AGMO: variants seen among roughly 807,000 people sequenced by gnomAD.
AGMO encodes alkylglycerol monooxygenase.
A neutral mutation model predicts 60.2 loss-of-function variants in AGMO; 75 were observed. The observed-to-expected ratio is 1.25, with a 90% CI of 1.03 to 1.51. The LOEUF (loss-of-function observed/expected upper bound fraction) is 1.51. AGMO is among the 40% of genes most tolerant of loss of function. The pLI is 0.00. For synonymous variants in AGMO, 261 were observed against 177.1 expected (o/e 1.47, Z -3.76); for missense variants, 763 against 525.5 (o/e 1.45, Z -4.42).
At chr7:15,538,361 C>A (rs184241101) in intron 3 of AGMO, among the ~76,000 whole-genome samples, 3 of 152,154 alleles carry the variant, frequency 2.0e-5, no homozygotes, top group Admixed American at 2.0e-4. Flanking sequence ...GCCTTCTGAG[C>A]AGCTAGAATT....
chr7:15,242,884 A>T (rs1007120737), intron 12 of AGMO, among the ~76,000 whole-genome samples: 1 of 152,158 alleles, frequency 6.6e-6, no homozygotes, highest in Non-Finnish European at 1.5e-5. Flanking sequence ...AATGACATTA[A>T]GTGTATATAA....
intron 4 of AGMO, among the ~76,000 whole-genome samples, chr7:15,421,879 T>A (rs1293467957): frequency 6.6e-6 from 1 of 151,994 alleles, no homozygotes; most frequent in African/African-American, 2.4e-5. Flanking sequence ...GGGAAGATAG[T>A]CAAAGATGCA....
intron 12 of AGMO, among the ~76,000 whole-genome samples, chr7:15,322,690 ATATGAATATG>A (rs1174885217): frequency 4.0e-4 from 28 of 69,602 alleles, no homozygotes; most frequent in South Asian, 1.2e-3. Flanking sequence ...ATATATAAAT[ATATGAATATG>A]TATAAATATA....
Position 15,390,771 on chromosome 7 carries a change from T to C in AGMO, c.743-21A>G, listed in dbSNP as rs370555812. On this transcript the variant is annotated intron_variant, in intron 7 of 12. Coordinates refer to ENST00000342526, the MANE Select transcript of AGMO (RefSeq NM_001004320.2). ...TGTCCCTGGAAGATAAATATAAAGA[T>C]ATGAGATTTGGCTTCCTGTAAAGTA... 8 of 1,599,140 alleles carry C rather than the reference T, an allele frequency of 5.0e-6. No individual in the cohort carries two copies. The Admixed American group carries it at 5.0e-5, about 10-fold the overall frequency.
chr7:15,205,586 T>C (rs1781418489), intron 12 of AGMO, among the ~76,000 whole-genome samples: 1 of 152,162 alleles, frequency 6.6e-6, no homozygotes, highest in Non-Finnish European at 1.5e-5. Flanking sequence ...TTTTGCTGAA[T>C]GATAAAGTCA....
At chr7:15,425,903 A>G (rs539418454) in intron 4 of AGMO, among the ~76,000 whole-genome samples, 1 of 152,294 alleles carries the variant, frequency 6.6e-6, no homozygotes, top group East Asian at 1.9e-4. Flanking sequence ...TAAAAAATTC[A>G]CTCACTCTAG....
At chr7:15,540,417 C>A (rs1278179892) in intron 3 of AGMO, among the ~76,000 whole-genome samples, 2 of 152,170 alleles carry the variant, frequency 1.3e-5, no homozygotes, top group Admixed American at 1.3e-4. Flanking sequence ...ACATCCCTCA[C>A]ATACCAAACC....
At chr7:15,501,389 G>A (rs1783382344) in intron 3 of AGMO, among the ~76,000 whole-genome samples, 1 of 151,826 alleles carries the variant, frequency 6.6e-6, no homozygotes, top group Non-Finnish European at 1.5e-5. Context: ...AATAAGAATG[G>A]CAGAATGTTG....
chr7:15,534,762 A>G (rs1416867847), intron 3 of AGMO, among the ~76,000 whole-genome samples: 1 of 151,878 alleles, frequency 6.6e-6, no homozygotes, highest in Non-Finnish European at 1.5e-5. Context: ...ATGAAGTATT[A>G]TTATCCCCAG....
At chr7:15,261,630 A>T (rs1354079300) in intron 12 of AGMO, among the ~76,000 whole-genome samples, 2 of 152,104 alleles carry the variant, frequency 1.3e-5, no homozygotes, top group African/African-American at 4.8e-5. Flanking sequence ...AGAAAGAGGG[A>T]ATCCTCCTTA....
rs573911165 is a variant in AGMO, at chr7:15,456,821, C to T, written c.410-25713G>A. On this transcript the variant is annotated intron_variant, in intron 3 of 12. Coordinates refer to ENST00000342526, the MANE Select transcript of AGMO (RefSeq NM_001004320.2). Reference sequence around the variant, plus strand: ...TTGGGTTTCAGCTTTCTTGATTTAGCTAACAAGTTTAATTCTTGTCTGTCA... The same window carrying T: ...TTGGGTTTCAGCTTTCTTGATTTAGTTAACAAGTTTAATTCTTGTCTGTCA... Among the ~76,000 whole-genome samples the T allele has an allele frequency of 8.3e-4, 126 of 152,246 alleles. No homozygotes were observed. The Middle Eastern group carries it at 0.017, about 21-fold the overall frequency.
intron 12 of AGMO, among the ~76,000 whole-genome samples, chr7:15,239,661 T>C (rs1207042241): frequency 6.6e-6 from 1 of 152,150 alleles, no homozygotes; most frequent in Non-Finnish European, 1.5e-5. Context: ...GCCCCATTTA[T>C]GTTAGTAAGC....
chr7:15,370,574 A>G (rs1783168630), intron 10 of AGMO, among the ~76,000 whole-genome samples: 2 of 152,154 alleles, frequency 1.3e-5, no homozygotes, highest in South Asian at 4.1e-4. Context: ...TTTTTTAACA[A>G]TAGCCATTCT....
At chr7:15,316,663 A>G (rs1222613548) in intron 12 of AGMO, among the ~76,000 whole-genome samples, 1 of 152,166 alleles carries the variant, frequency 6.6e-6, no homozygotes, top group Non-Finnish European at 1.5e-5. Flanking sequence ...AGGGGATAAT[A>G]ATAGATACTT....
intron 10 of AGMO, among the ~76,000 whole-genome samples, chr7:15,383,616 T>A (rs1452261614): frequency 6.6e-6 from 1 of 152,146 alleles, no homozygotes; most frequent in Non-Finnish European, 1.5e-5. Flanking sequence ...TATATTGAAA[T>A]TATTGATAAT....
rs181184899 is a variant in AGMO, at chr7:15,211,974, A to G, written c.1264-10615T>C. Among the ~76,000 whole-genome samples the G allele has an allele frequency of 4.6e-5, 7 of 152,126 alleles. No individual in the cohort carries two copies. In the East Asian group the frequency reaches 7.7e-4, roughly 17 times the overall value. On this transcript the variant is annotated intron_variant, in intron 12 of 12. Transcript: ENST00000342526. ...TTTTGGACTAGCGAATTGACAGCAG[A>G]ACTGCAAAGGAAAGGGCCAAACTTG... is the stretch of plus-strand genomic sequence containing the variant.
At chr7:15,432,496 A>G (rs1008371292) in intron 3 of AGMO, among the ~76,000 whole-genome samples, 3 of 151,368 alleles carry the variant, frequency 2.0e-5, no homozygotes, top group Admixed American at 1.3e-4. Flanking sequence ...AACAAATGAT[A>G]GCTCATAGAT....
At chr7:15,210,816 C>T (rs1300022995) in intron 12 of AGMO, among the ~76,000 whole-genome samples, 2 of 152,048 alleles carry the variant, frequency 1.3e-5, no homozygotes, top group Middle Eastern at 3.4e-3. Context: ...ATTATTTGAT[C>T]TGGGTTTTAA....
At chr7:15,246,782 G>T (rs924142414) in intron 12 of AGMO, among the ~76,000 whole-genome samples, 2 of 151,920 alleles carry the variant, frequency 1.3e-5, no homozygotes, top group Non-Finnish European at 2.9e-5. Flanking sequence ...CTTTCATCCT[G>T]CTTCTAGCTA....
Sources: gnomAD v4.1 joint callset for allele counts (sites outside exome capture counted in the v4.1 genomes callset) on GRCh38, gnomAD v4.1.1 for gene constraint, MANE v1.5 for transcripts, NCBI Gene and HGNC (gene_info 2026-07-23, HGNC 2026-07-21) for gene names.